The following GRIN2B variants were observed in gnomAD, a reference collection of about 807,000 sequenced individuals.
GRIN2B encodes the protein glutamate receptor ionotropic, NMDA 2B.
Under a neutral mutation model 114.5 loss-of-function variants are expected in GRIN2B, and 5 were observed. That is an observed-to-expected ratio of 0.04 (90% CI 0.02 to 0.09). GRIN2B has a LOEUF of 0.09. Among genes scored for constraint, GRIN2B ranks in the 10% least tolerant of loss-of-function variants. The pLI is 1.00. For synonymous variants in GRIN2B, 787 were observed against 745.1 expected (o/e 1.06, Z -0.92); for missense variants, 1,108 against 1,943.5 (o/e 0.57, Z 8.08).
At chr12:13,600,562 G>A (rs1413524951) in intron 10 of GRIN2B, among the ~76,000 whole-genome samples, 1 of 151,936 alleles carries the variant, frequency 6.6e-6, no homozygotes, top group Admixed American at 6.6e-5. Context: ...AGAAGAGAGA[G>A]GACACCTGTT....
intron 3 of GRIN2B, among the ~76,000 whole-genome samples, chr12:13,858,654 A>G (rs1181183392): frequency 6.6e-6 from 1 of 151,596 alleles, no homozygotes; most frequent in Non-Finnish European, 1.5e-5. Flanking sequence ...TATTTTCTTC[A>G]TGTAATAATT....
At chr12:13,791,563 T>A (rs1461160405) in intron 3 of GRIN2B, among the ~76,000 whole-genome samples, 7 of 152,208 alleles carry the variant, frequency 4.6e-5, no homozygotes, top group African/African-American at 1.7e-4. Flanking sequence ...ACTCTGTTTC[T>A]TATTGGGGTA....
chr12:13,738,287 G>C (rs1009979298), intron 4 of GRIN2B, among the ~76,000 whole-genome samples: 2 of 152,188 alleles, frequency 1.3e-5, no homozygotes, highest in African/African-American at 4.8e-5. Context: ...AAAACCACTT[G>C]TGTACTCCAA....
intron 2 of GRIN2B, among the ~76,000 whole-genome samples, chr12:13,954,820 A>AAAAAAAAAAAAAAAAAAAAAAAAC (rs1274895087): frequency 6.8e-6 from 1 of 147,260 alleles, no homozygotes; most frequent in Non-Finnish European, 1.5e-5. Flanking sequence ...GGAAAAAAAA[A>AAAAAAAAAAAAAAAAAAAAAAAAC]AAAAAAAAAC....
At chr12:13,918,231 G>C (rs1239243119) in intron 2 of GRIN2B, among the ~76,000 whole-genome samples, 1 of 152,156 alleles carries the variant, frequency 6.6e-6, no homozygotes, top group Non-Finnish European at 1.5e-5. Flanking sequence ...TTTCTGCAAA[G>C]ATTAACATAA....
chr12:13,571,364 A>T (rs1948706344), intron 11 of GRIN2B, among the ~76,000 whole-genome samples: 1 of 152,196 alleles, frequency 6.6e-6, no homozygotes, highest in South Asian at 2.1e-4. Flanking sequence ...CTGGCACTGG[A>T]GATCAGTCAA....
At chr12:13,850,830 T>C (rs925010156) in intron 3 of GRIN2B, among the ~76,000 whole-genome samples, 23 of 152,180 alleles carry the variant, frequency 1.5e-4, no homozygotes, top group Non-Finnish European at 2.1e-4. Context: ...GTCATTTAGA[T>C]AAGTGTTCTA....
rs556458509 is a variant in GRIN2B, at chr12:13,912,155, A to T, written c.-18-45929T>A. Among the ~76,000 whole-genome samples the T allele has an allele frequency of 9.9e-5, 15 of 152,250 alleles. 1 individual carries two copies. The South Asian group carries it at 3.1e-3, about 32-fold the overall frequency. ...CCACCCCAGGAAGCATGGGGCGCTC[A>T]TTAAGATGGAGCTGATGCCGTAGCT... On this transcript the variant is annotated intron_variant, in intron 2 of 13. Coordinates refer to ENST00000609686, the MANE Select transcript of GRIN2B (RefSeq NM_000834.5).
At chr12:13,928,070 G>GGAGGCT (rs1866951458) in intron 2 of GRIN2B, among the ~76,000 whole-genome samples, 2 of 152,028 alleles carry the variant, frequency 1.3e-5, no homozygotes, top group Admixed American at 1.3e-4. Context: ...CGGTACTTTG[G>GGAGGCT]GAGGCTGAGG....
chr12:13,736,583 C>A (rs573045963), intron 4 of GRIN2B, among the ~76,000 whole-genome samples: 2 of 151,974 alleles, frequency 1.3e-5, no homozygotes, highest in Non-Finnish European at 2.9e-5. Flanking sequence ...TCCAGAAAAA[C>A]GTCTATTTAC....
At chr12:13,872,170 C>A (rs1036400050) in intron 2 of GRIN2B, among the ~76,000 whole-genome samples, 11 of 151,996 alleles carry the variant, frequency 7.2e-5, no homozygotes, top group African/African-American at 9.7e-5. Context: ...TTATTATAAA[C>A]CCCTTCCACT....
chr12:13,898,046 T>C (rs1443466665), intron 2 of GRIN2B, among the ~76,000 whole-genome samples: 1 of 151,292 alleles, frequency 6.6e-6, no homozygotes, highest in African/African-American at 2.4e-5. Flanking sequence ...GGGCTACCTT[T>C]ATACAGCACT....
intron 2 of GRIN2B, among the ~76,000 whole-genome samples, chr12:13,888,905 T>C (rs1172844701): frequency 1.3e-5 from 2 of 152,094 alleles, no homozygotes; most frequent in Non-Finnish European, 1.5e-5. Flanking sequence ...TACTGTACAC[T>C]ACTATAGACT....
chr12:13,921,595 A>G (rs1462567700), intron 2 of GRIN2B, among the ~76,000 whole-genome samples: 1 of 152,076 alleles, frequency 6.6e-6, no homozygotes, highest in African/African-American at 2.4e-5. Flanking sequence ...TGTCTATCTA[A>G]GTTTCTCTTG....
chr12:13,951,792 T>C (rs753045101), intron 2 of GRIN2B, among the ~76,000 whole-genome samples: 4 of 152,148 alleles, frequency 2.6e-5, no homozygotes, highest in Non-Finnish European at 4.4e-5. Flanking sequence ...ACAGCCCTAA[T>C]AGCAAATGGC....
rs532798067 is a variant in GRIN2B, at chr12:13,799,343, A to G, written c.412-45428T>C. Among the ~76,000 whole-genome samples, 8 of 152,254 alleles carry G rather than the reference A, an allele frequency of 5.3e-5. No individual in the cohort carries two copies. In the South Asian group the frequency reaches 1.7e-3, roughly 32 times the overall value. Reference sequence around the variant, plus strand: ...GGCAGAAGGTGGAGAGGAATTTTAAACTTTCCTTGTGGTTCCCTCAGTCTC... The same window carrying G: ...GGCAGAAGGTGGAGAGGAATTTTAAGCTTTCCTTGTGGTTCCCTCAGTCTC... On this transcript the variant is annotated intron_variant, in intron 3 of 13. Coordinates refer to ENST00000609686, the MANE Select transcript of GRIN2B (RefSeq NM_000834.5).
intron 2 of GRIN2B, among the ~76,000 whole-genome samples, chr12:13,913,787 G>A (rs1183292703): frequency 6.6e-6 from 1 of 152,070 alleles, no homozygotes; most frequent in African/African-American, 2.4e-5. Context: ...TGGAGATAAT[G>A]GTTTCTCAGG....
chr12:13,974,038 G>A (rs1862975359), intron 2 of GRIN2B, among the ~76,000 whole-genome samples: 1 of 152,276 alleles, frequency 6.6e-6, no homozygotes, highest in South Asian at 2.1e-4. Flanking sequence ...GAATCCCCTA[G>A]GAATAATGGG....
intron 4 of GRIN2B, among the ~76,000 whole-genome samples, chr12:13,693,778 C>T (rs1259137984): frequency 6.6e-6 from 1 of 152,198 alleles, no homozygotes; most frequent in Non-Finnish European, 1.5e-5. Flanking sequence ...CTACTCTCTG[C>T]CTTGCCAAGC....
Sources: gnomAD v4.1 joint callset for allele counts (sites outside exome capture counted in the v4.1 genomes callset) on GRCh38, gnomAD v4.1.1 for gene constraint, MANE v1.5 for transcripts, NCBI Gene and HGNC (gene_info 2026-07-23, HGNC 2026-07-21) for gene names.